Variants in SYNE1 observed in about 807,000 individuals in gnomAD.
SYNE1 encodes spectrin repeat containing nuclear envelope protein 1, also known as nesprin-1.
A neutral mutation model predicts 1,111.0 loss-of-function variants in SYNE1; 616 were observed. The ratio of observed to expected loss-of-function variants is 0.55; its 90% confidence interval spans 0.52 to 0.59. SYNE1 has a LOEUF of 0.59. Among genes scored for constraint, SYNE1 ranks in the 20% least tolerant of loss-of-function variants. The probability of loss-of-function intolerance (pLI) is 0.00; values close to 1 mark genes in which losing one functional copy is unlikely to be tolerated. For synonymous variants in SYNE1, 3,855 were observed against 3,825.8 expected (o/e 1.01, Z -0.28); for missense variants, 10,006 against 10,417.0 (o/e 0.96, Z 1.72).
intron 91 of SYNE1, among the ~76,000 whole-genome samples, chr6:152,308,219 T>C (rs1338039978): frequency 6.6e-6 from 1 of 152,122 alleles, no homozygotes; most frequent in Non-Finnish European, 1.5e-5. Flanking sequence ...ACTGTGAGAA[T>C]TCTGGGTGCA....
chr6:152,458,326 T>C lies in SYNE1; in HGVS notation c.2568+431A>G, dbSNP rs117307661. Among the ~76,000 whole-genome samples the C allele has an allele frequency of 7.9e-5, 12 of 152,320 alleles. No homozygotes were observed. In the East Asian group the frequency reaches 2.3e-3, roughly 29 times the overall value. ...TTATTTCACAGAGACATTGTGAACT[T>C]TGCACTTTCTGTAGTTGGGGCTCAG... On this transcript the variant is annotated intron_variant, in intron 22 of 145. Transcript: ENST00000367255.
At chr6:152,367,416 A>C (rs916929036) in intron 61 of SYNE1, 34 bp from the exon 62 acceptor site, 1 of 1,611,300 alleles carries the variant, frequency 6.2e-7, no homozygotes, top group Non-Finnish European at 8.5e-7. Flanking sequence ...CGAGCTGTCC[A>C]TCCCACAGAG....
intron 97 of SYNE1, among the ~76,000 whole-genome samples, chr6:152,279,528 C>T (rs945884997): frequency 6.6e-6 from 1 of 151,544 alleles, no homozygotes; most frequent in African/African-American, 2.4e-5. Context: ...CCAGCCTGGG[C>T]AACATAGTGA....
At chr6:152,270,708 G>A (rs1161330879) in intron 98 of SYNE1, among the ~76,000 whole-genome samples, 1 of 152,216 alleles carries the variant, frequency 6.6e-6, no homozygotes, top group Non-Finnish European at 1.5e-5. Flanking sequence ...GAAGCCAGAT[G>A]AGGGCCCTGG....
chr6:152,449,519 G>A lies in SYNE1; in HGVS notation c.3504+14C>T, dbSNP rs1390560731. 1 of 1,593,572 alleles carries A rather than the reference G, an allele frequency of 6.3e-7. No homozygotes were observed. The highest frequency in any genetic ancestry group is 2.2e-5 in the East Asian group (1 of 44,774). ...GAGAAATTTTCCTCTAGCAAATAATGACCCTGAACTTACTTCAACGGCACG... is the reference window on the plus strand; with the variant it reads ...GAGAAATTTTCCTCTAGCAAATAATAACCCTGAACTTACTTCAACGGCACG... On this transcript the variant is annotated intron_variant, in intron 28 of 145. Coordinates refer to ENST00000367255, the MANE Select transcript of SYNE1 (RefSeq NM_182961.4).
Position 152,318,885 on chromosome 6 carries a change from A to C in SYNE1, c.16367T>G (p.Val5456Gly). The C allele has an allele frequency of 6.2e-7, 1 of 1,614,186 alleles. No individual in the cohort carries two copies. The highest frequency in any genetic ancestry group is 8.5e-7 in the Non-Finnish European group (1 of 1,180,026). Reference protein sequence around the residue: ...TKLKAKTDNVVQAKTDQKVLG... With the variant: ...TKLKAKTDNVGQAKTDQKVLG... Reference sequence around the variant, plus strand: ...TACCTTTTGGTCAGTTTTAGCTTGAACTACATTATCTGTCTTCGCTTTCAG... The same window carrying C: ...TACCTTTTGGTCAGTTTTAGCTTGACCTACATTATCTGTCTTCGCTTTCAG... Residue 5456 changes from valine to glycine, a missense_variant, in exon 85 of 146, where the codon GTT becomes GGT. Physicochemically the swap from Val to Gly is moderately radical, Grantham distance 109. Coordinates refer to ENST00000367255, the MANE Select transcript of SYNE1 (RefSeq NM_182961.4).
At position 152,539,997 on chromosome 6, in the gene SYNE1, C is replaced by T. The variant is rs747634832; in HGVS notation, c.92G>A (p.Arg31Gln). 6.8e-6 allele frequency: 11 copies of T among 1,613,552 alleles called. No individual in the cohort carries two copies. The highest frequency in any genetic ancestry group is 8.5e-6 in the Non-Finnish European group (10 of 1,179,858). The change falls in exon 4 of 146, where the codon CGA becomes CAA. Residue 31 changes from arginine (R) to glutamine (Q), a missense_variant. Arg to Gln is a conservative substitution (Grantham distance 43). Transcript: ENST00000367255. ...AGAGTTGATCCATTTTGTGAAAGTT[C>T]GTTTTTGTACTATCTCTTGCTCATC... ...LQDEQEIVQK[R>Q]TFTKWINSHL...
chr6:152,453,795 G>T (rs1593031048), intron 24 of SYNE1, 75 bp from the exon 25 acceptor site: 2 of 1,593,698 alleles, frequency 1.3e-6, no homozygotes, highest in East Asian at 2.2e-5. Flanking sequence ...CAGCCTCTAA[G>T]CCTCCAAACA....
intron 11 of SYNE1, among the ~76,000 whole-genome samples, chr6:152,491,386 C>G (rs1593854013): frequency 1.3e-5 from 2 of 152,122 alleles, no homozygotes; most frequent in South Asian, 4.1e-4. Context: ...TGCTCACCAC[C>G]CCCTTCTCTG....
chr6:152,254,037 C>G (rs1034135965), intron 104 of SYNE1, among the ~76,000 whole-genome samples: 1 of 150,558 alleles, frequency 6.6e-6, no homozygotes, highest in Non-Finnish European at 1.5e-5. Flanking sequence ...GCATTTGTTC[C>G]GGTATATATT....
At chr6:152,512,969 G>C (rs888533044) in intron 6 of SYNE1, among the ~76,000 whole-genome samples, 9 of 152,202 alleles carry the variant, frequency 5.9e-5, no homozygotes, top group Non-Finnish European at 1.3e-4. Context: ...TGAGCCAGAT[G>C]TTCTCAAAGG....
chr6:152,321,710 C>T lies in SYNE1; in HGVS notation c.16083+11G>A. The stretch of plus-strand genomic sequence containing the variant: ...ATGATGGGTAAAGAGAATGAGGAGA[C>T]TTTTTTGTACCTGAAGTTCTTCAAG... On this transcript the variant is annotated intron_variant, in intron 83 of 145. Coordinates refer to ENST00000367255, the MANE Select transcript of SYNE1 (RefSeq NM_182961.4). 1 of 1,613,894 alleles carries T rather than the reference C, an allele frequency of 6.2e-7. No individual in the cohort carries two copies. The highest frequency in any genetic ancestry group is 8.5e-7 in the Non-Finnish European group (1 of 1,179,906).
At chr6:152,566,595 C>T (rs904651608) in intron 3 of SYNE1, among the ~76,000 whole-genome samples, 35 of 152,202 alleles carry the variant, frequency 2.3e-4, no homozygotes, top group African/African-American at 8.2e-4. Context: ...CTTAAATTCA[C>T]GGTGCTGTAG....
At chr6:152,525,350 G>A (rs1024410119) in intron 5 of SYNE1, among the ~76,000 whole-genome samples, 1 of 152,114 alleles carries the variant, frequency 6.6e-6, no homozygotes, top group Non-Finnish European at 1.5e-5. Flanking sequence ...TGTGTCTAGT[G>A]TGTTATCCAA....
chr6:152,299,859 G>A (rs2095080861), intron 93 of SYNE1, among the ~76,000 whole-genome samples: 1 of 151,980 alleles, frequency 6.6e-6, no homozygotes, highest in Non-Finnish European at 1.5e-5. Flanking sequence ...TTGAAAAAAT[G>A]TAATTTCATA....
chr6:152,624,258 A>G (rs954945864), intron 3 of SYNE1, among the ~76,000 whole-genome samples: 5 of 152,152 alleles, frequency 3.3e-5, no homozygotes, highest in Non-Finnish European at 7.4e-5. Context: ...CTTTTTCTGT[A>G]AGATTGCGTT....
intron 3 of SYNE1, among the ~76,000 whole-genome samples, chr6:152,607,002 T>TTTTTG (rs2099617303): frequency 9.4e-6 from 1 of 106,548 alleles, no homozygotes; most frequent in Non-Finnish European, 1.9e-5. Context: ...TTTTTTTTTT[T>TTTTTG]GAGACGGCGT....
chr6:152,560,083 T>C (rs1320349741), intron 3 of SYNE1, among the ~76,000 whole-genome samples: 1 of 152,170 alleles, frequency 6.6e-6, no homozygotes, highest in African/African-American at 2.4e-5. Flanking sequence ...CTGGGCATGG[T>C]GGCTCACACC....
chr6:152,256,981 A>G (rs2091004818), intron 101 of SYNE1, among the ~76,000 whole-genome samples: 1 of 151,790 alleles, frequency 6.6e-6, no homozygotes, highest in African/African-American at 2.4e-5. Flanking sequence ...TTTTTTAAGC[A>G]GTGGAAAAAA....
Sources: allele counts gnomAD v4.1 joint callset (sites outside exome capture counted in the v4.1 genomes callset), GRCh38; gene constraint gnomAD v4.1.1; transcripts MANE v1.5; gene names NCBI Gene and HGNC (gene_info 2026-07-23, HGNC 2026-07-21).